The following MAP2K5 variants were observed in gnomAD, a reference collection of about 807,000 sequenced individuals.
The protein encoded by MAP2K5 is mitogen-activated protein kinase kinase 5.
In MAP2K5, 49 loss-of-function variants were observed where a neutral mutation model predicts 83.1. The observed-to-expected ratio is 0.59, with a 90% CI of 0.47 to 0.75. The LOEUF is 0.75. Ranked by LOEUF, MAP2K5 falls within the 30% of genes least tolerant of loss-of-function variation. The probability of loss-of-function intolerance (pLI) is 0.00; values close to 1 mark genes in which losing one functional copy is unlikely to be tolerated. For synonymous variants in MAP2K5, 202 were observed against 191.8 expected (o/e 1.05, Z -0.44); for missense variants, 457 against 557.5 (o/e 0.82, Z 1.82).
intron 3 of MAP2K5, among the ~76,000 whole-genome samples, chr15:67,569,718 A>C (rs1404109031): frequency 6.6e-6 from 1 of 152,192 alleles, no homozygotes; most frequent in Non-Finnish European, 1.5e-5. Context: ...GGAAAAGATA[A>C]GCACGAGTAG....
rs1158735088 is a variant in MAP2K5 at position 67,790,797 on chromosome 15, A to G, written c.1243-15849A>G. Among the ~76,000 whole-genome samples the G allele has an allele frequency of 1.3e-5, 2 of 152,200 alleles. No homozygotes were observed. The highest frequency in any genetic ancestry group is 4.8e-5 in the African/African-American group (2 of 41,458). On this transcript the variant is annotated intron_variant, in intron 21 of 21. Transcript: ENST00000178640. This position sits in a 1 kb window ranked among gnomAD's most constrained non-coding sequence, Gnocchi z 4.6. ...TGCTGAACATGTGTTAGGTGTTATA[A>G]AAGTTTCCTTAGAAAAGGAGTATGA...
rs2086775915 is a variant in MAP2K5 at position 67,644,003 on chromosome 15, T to A, written c.586-2228T>A. Among the ~76,000 whole-genome samples, 1 of 152,240 alleles carries A rather than the reference T, an allele frequency of 6.6e-6. No homozygotes were observed. Among genetic ancestry groups the A allele is most frequent in the South Asian group, 2.1e-4 (1 of 4,832 alleles). On this transcript the variant is annotated intron_variant, in intron 9 of 21. Transcript: ENST00000178640. The surrounding 1 kb of genome is among the most constrained non-coding windows in gnomAD (Gnocchi z 4.6). ...ACTACACTATCATAGTAATTCTGAA[T>A]GTTAAGTTTTTATCTAGAAATGTCT...
chr15:67,797,440 T>A (rs1034635917), intron 21 of MAP2K5, among the ~76,000 whole-genome samples: 1 of 152,102 alleles, frequency 6.6e-6, no homozygotes, highest in Admixed American at 6.5e-5. Flanking sequence ...TGATTGTGAG[T>A]TTAATTGGAT....
chr15:67,763,314 T>G (rs141506619), intron 19 of MAP2K5, among the ~76,000 whole-genome samples: 24 of 152,276 alleles, frequency 1.6e-4, no homozygotes, highest in African/African-American at 5.8e-4. Context: ...AAACTCAATG[T>G]TTTAACAAGC....
At chr15:67,689,357 T>C (rs937394022) in intron 13 of MAP2K5, among the ~76,000 whole-genome samples, 16 of 152,202 alleles carry the variant, frequency 1.1e-4, no homozygotes, top group African/African-American at 3.9e-4. Context: ...AAGAAGATAG[T>C]GACTTTGATG....
chr15:67,806,690 G>C lies in MAP2K5; in HGVS notation c.1287G>C (p.Val429=). ...IVQFNDGNAA[V]VSMWVCRALE... is the part of the protein sequence containing the mutation. ...AGTTCAATGATGGAAATGCCGCCGT[G>C]GTGTCCATGTGGGTGTGCCGGGCGC... The change falls in exon 22 of 22, where the codon GTG becomes GTC. Residue 429 remains valine, a synonymous_variant. Coordinates refer to ENST00000178640, the MANE Select transcript of MAP2K5 (RefSeq NM_145160.3). 6.4e-7 allele frequency: 1 copy of C among 1,551,810 alleles called. No individual in the cohort carries two copies. Among genetic ancestry groups the C allele is most frequent in the South Asian group, 1.2e-5 (1 of 84,128 alleles).
rs944119569 is a variant in MAP2K5, at chr15:67,638,859, C to T, written c.586-7372C>T. Among the ~76,000 whole-genome samples the T allele has an allele frequency of 2.6e-5, 4 of 152,242 alleles. No individual in the cohort carries two copies. The highest frequency in any genetic ancestry group is 1.9e-4 in the East Asian group (1 of 5,180). The stretch of plus-strand genomic sequence containing the variant: ...CGTTTTTCCATAGGATTGTTGGCCT[C>T]GTGTATATCTTCTTTTGAGAAGTGT... On this transcript the variant is annotated intron_variant, in intron 9 of 21. Transcript: ENST00000178640. This position sits in a 1 kb window ranked among gnomAD's most constrained non-coding sequence, Gnocchi z 4.5.
intron 21 of MAP2K5, among the ~76,000 whole-genome samples, chr15:67,773,427 A>C (rs62015213): frequency 6.6e-6 from 1 of 152,114 alleles, no homozygotes; most frequent in South Asian, 2.1e-4. Flanking sequence ...ATTATAGTCT[A>C]TTCTTTCTAA....
Position 67,806,998 on chromosome 15 carries a change from T to G in MAP2K5, c.*248T>G. The G allele has an allele frequency of 2.7e-6, 4 of 1,470,558 alleles. No individual in the cohort carries two copies. Among genetic ancestry groups the G allele is most frequent in the Non-Finnish European group, 3.6e-6 (4 of 1,109,694 alleles). The allele number at this position is 1,470,558 out of a possible 1,614,324, so 91.1% of individuals were successfully genotyped here. A position where few individuals can be genotyped will look rare whatever the true frequency, so the allele number is the denominator to read the frequency against. On this transcript the variant is annotated 3_prime_UTR_variant, in exon 22 of 22. Coordinates refer to ENST00000178640, the MANE Select transcript of MAP2K5 (RefSeq NM_145160.3). The stretch of plus-strand genomic sequence containing the variant: ...GGCAGAGAGGTAAAGGGTGGGGCAT[T>G]GAGAATGGAGGCTCCCAGGGTCCCT...
chr15:67,799,256 G>A (rs533536001), intron 21 of MAP2K5, among the ~76,000 whole-genome samples: 2 of 152,380 alleles, frequency 1.3e-5, no homozygotes, highest in South Asian at 4.1e-4. Context: ...CTCTGCATTC[G>A]TGGCATTTGC....
chr15:67,705,252 A>T (rs969173971), intron 16 of MAP2K5, among the ~76,000 whole-genome samples: 1 of 152,240 alleles, frequency 6.6e-6, no homozygotes, highest in Non-Finnish European at 1.5e-5. Flanking sequence ...TCATTTATGC[A>T]TTCATGTGTT....
chr15:67,800,080 T>C (rs1825644695), intron 21 of MAP2K5, among the ~76,000 whole-genome samples: 2 of 152,138 alleles, frequency 1.3e-5, no homozygotes, highest in Non-Finnish European at 2.9e-5. Flanking sequence ...GCCCCAGGGA[T>C]AGTTATGATT....
chr15:67,559,675 C>T lies in MAP2K5; in HGVS notation c.185-3608C>T, dbSNP rs1375213360. Among the ~76,000 whole-genome samples the T allele has an allele frequency of 6.6e-6, 1 of 152,128 alleles. No homozygotes were observed. The highest frequency in any genetic ancestry group is 2.4e-5 in the African/African-American group (1 of 41,426). On this transcript the variant is annotated intron_variant, in intron 2 of 21. Transcript: ENST00000178640. The surrounding 1 kb of genome is among the most constrained non-coding windows in gnomAD (Gnocchi z 4.7). ...TGACATTAACAAAATCTAGCCAGTA[C>T]ATAGGCTTTCTGGTTCTACTTTTGC...
intron 4 of MAP2K5, among the ~76,000 whole-genome samples, chr15:67,582,055 A>ATTTTTT (rs1233297576): frequency 1.5e-5 from 2 of 134,866 alleles, no homozygotes; most frequent in Non-Finnish European, 1.6e-5. Flanking sequence ...GATGTAGATG[A>ATTTTTT]TTTCTTTTTT....
At chr15:67,600,080 G>C (rs1211271040) in intron 7 of MAP2K5, among the ~76,000 whole-genome samples, 1 of 152,086 alleles carries the variant, frequency 6.6e-6, no homozygotes, top group Non-Finnish European at 1.5e-5. Flanking sequence ...TCGACTATAT[G>C]TGCATCTTAA....
rs577253784 is a variant in MAP2K5, at chr15:67,637,093, G to A, written c.585+6166G>A. Among the ~76,000 whole-genome samples the A allele has an allele frequency of 1.3e-5, 2 of 152,204 alleles. No individual in the cohort carries two copies. The highest frequency in any genetic ancestry group is 4.1e-4 in the South Asian group (2 of 4,826). ...GGACCTACACCAGTGATTTGCCGGG[G>A]GCTTTCAGGCCTTCAGCTACAGACT... On this transcript the variant is annotated intron_variant, in intron 9 of 21. Coordinates refer to ENST00000178640, the MANE Select transcript of MAP2K5 (RefSeq NM_145160.3). The surrounding 1 kb of genome is among the most constrained non-coding windows in gnomAD (Gnocchi z 4.5).
chr15:67,712,670 A>G (rs1027628555), intron 16 of MAP2K5, among the ~76,000 whole-genome samples: 6 of 152,132 alleles, frequency 3.9e-5, no homozygotes, highest in Admixed American at 3.9e-4. Flanking sequence ...TGTAATCCCA[A>G]CACTTTAGGA....
chr15:67,618,989 C>G (rs939596068), intron 8 of MAP2K5, among the ~76,000 whole-genome samples: 9 of 152,134 alleles, frequency 5.9e-5, no homozygotes, highest in Non-Finnish European at 8.8e-5. Context: ...AGTCAGAGTC[C>G]TCACCATGGC....
chr15:67,730,928 G>T (rs1596872001), intron 17 of MAP2K5, among the ~76,000 whole-genome samples: 1 of 152,154 alleles, frequency 6.6e-6, no homozygotes, highest in Non-Finnish European at 1.5e-5. Context: ...ACTCTGAGGT[G>T]TCAGTTTCCT....
Sources: gnomAD v4.1 joint callset for allele counts (sites outside exome capture counted in the v4.1 genomes callset) on GRCh38, gnomAD v4.1.1 for gene constraint, Gnocchi (gnomAD v3.1) non-coding constraint, MANE v1.5 for transcripts, NCBI Gene and HGNC (gene_info 2026-07-23, HGNC 2026-07-21) for gene names.